The following ELOVL4 variants were observed in gnomAD, a reference collection of about 807,000 sequenced individuals.
The protein encoded by ELOVL4 is ELOVL fatty acid elongase 4, also known as very long chain fatty acid elongase 4.
In ELOVL4, 18 loss-of-function variants were observed where a neutral mutation model predicts 42.1. That is an observed-to-expected ratio of 0.43 (90% CI 0.30 to 0.63). ELOVL4 has a LOEUF of 0.63. ELOVL4 is among the 30% of genes least tolerant of loss of function. ELOVL4 has a pLI of 0.15. For synonymous variants in ELOVL4, 117 were observed against 127.0 expected (o/e 0.92, Z 0.53); for missense variants, 299 against 376.2 (o/e 0.79, Z 1.70).
chr6:79,924,694 G>C (rs1208961577), intron 3 of ELOVL4, among the ~76,000 whole-genome samples: 2 of 151,998 alleles, frequency 1.3e-5, no homozygotes, highest in Non-Finnish European at 2.9e-5. Context: ...AAATATCTAG[G>C]CATGGTGGGG....
intron 1 of ELOVL4, among the ~76,000 whole-genome samples, chr6:79,941,888 AAAT>A (rs1774652448): frequency 3.9e-5 from 6 of 152,230 alleles, no homozygotes; most frequent in Admixed American, 3.3e-4. Flanking sequence ...GTGAAGTGGT[AAAT>A]AATAACGAAA....
In ELOVL4 at chr6:79,926,253, G is replaced by T. The variant is rs753592451; in HGVS notation, c.229C>A (p.Leu77Ile). 6.2e-7 allele frequency: 1 copy of T among 1,613,888 alleles called. No homozygotes were observed. Among genetic ancestry groups the T allele is most frequent in the Admixed American group, 1.7e-5 (1 of 60,008 alleles). ...MKDREPFQMR[L>I]VLIIYNFGMV... is the part of the protein sequence containing the mutation. ...CCAAAATTATAGATAATGAGCACTA[G>T]ACGCATCTGAAAAGGTTCTCGGTCC... Residue 77 changes from leucine to isoleucine, a missense_variant, in exon 2 of 6, where the codon CTA becomes ATA. Physicochemically the swap from Leu to Ile is conservative, Grantham distance 5. Transcript: ENST00000369816.
At position 79,947,118 on chromosome 6, in the gene ELOVL4, G is replaced by A. The variant is rs912433280; in HGVS notation, c.100+62C>T. 3 of 1,378,506 alleles carry A rather than the reference G, an allele frequency of 2.2e-6. No individual in the cohort carries two copies. The South Asian group carries it at 3.6e-5, about 17-fold the overall frequency. 85.4% of individuals were successfully genotyped at this position (1,378,506 alleles called of 1,614,324 possible). The stretch of plus-strand genomic sequence containing the variant: ...GTGGGGCCGGGCCCGGGAGCTGCGA[G>A]ACCAGGGGCCGGTGACCCCCCGCGG... On this transcript the variant is annotated intron_variant, in intron 1 of 5. Coordinates refer to ENST00000369816, the MANE Select transcript of ELOVL4 (RefSeq NM_022726.4).
rs1774389666 is a variant in ELOVL4, at chr6:79,928,729, T to G, written c.101-2348A>C. 7.0e-5 allele frequency among the ~76,000 whole-genome samples: 9 copies of G among 127,764 alleles called. No individual in the cohort carries two copies. In the South Asian group the frequency reaches 2.0e-3, roughly 28 times the overall value. The allele number at this position is 127,764 out of a possible 152,430, so 83.8% of individuals were successfully genotyped here. On this transcript the variant is annotated intron_variant, in intron 1 of 5. Transcript: ENST00000369816. Reference sequence around the variant, plus strand: ...CCAGTAAGTAGACTGGTGACTGGGTTTTTTTTTTTTTTTTTTTTTTTTTTT... The same window carrying G: ...CCAGTAAGTAGACTGGTGACTGGGTGTTTTTTTTTTTTTTTTTTTTTTTTT...
chr6:79,933,458 T>C lies in ELOVL4; in HGVS notation c.101-7077A>G, dbSNP rs1323135957. Among the ~76,000 whole-genome samples, 6 of 152,208 alleles carry C rather than the reference T, an allele frequency of 3.9e-5. No homozygotes were observed. The South Asian group carries it at 1.0e-3, about 26-fold the overall frequency. ...GTTGCTCAGGCTGGCCCTGAACCCCTGAGCTCAAGCAACCCACCTACCTCA... is the reference window on the plus strand; with the variant it reads ...GTTGCTCAGGCTGGCCCTGAACCCCCGAGCTCAAGCAACCCACCTACCTCA... On this transcript the variant is annotated intron_variant, in intron 1 of 5. Coordinates refer to ENST00000369816, the MANE Select transcript of ELOVL4 (RefSeq NM_022726.4).
chr6:79,933,043 T>G lies in ELOVL4; in HGVS notation c.101-6662A>C, dbSNP rs112569019. ...CTGAATACCCTGAGAGAACTGAATG[T>G]ATAAGCAGCCCAGAAGCAAGAAATA... On this transcript the variant is annotated intron_variant, in intron 1 of 5. Coordinates refer to ENST00000369816, the MANE Select transcript of ELOVL4 (RefSeq NM_022726.4). Among the ~76,000 whole-genome samples the G allele has an allele frequency of 5.9e-5, 9 of 152,188 alleles. 1 individual carries two copies. The highest frequency in any genetic ancestry group is 2.1e-4 in the South Asian group (1 of 4,824).
chr6:79,926,833 G>A (rs368629937), intron 1 of ELOVL4, among the ~76,000 whole-genome samples: 2 of 152,300 alleles, frequency 1.3e-5, no homozygotes, highest in East Asian at 1.9e-4. Flanking sequence ...GGAGAGGTAC[G>A]TACGGGGCGA....
chr6:79,921,297 T>C (rs1225207676), intron 4 of ELOVL4, among the ~76,000 whole-genome samples: 1 of 151,048 alleles, frequency 6.6e-6, no homozygotes, highest in Non-Finnish European at 1.5e-5. Flanking sequence ...CTGTCTCTAC[T>C]AAAAATACAA....
At chr6:79,918,273 T>C (rs1375968392) in intron 5 of ELOVL4, among the ~76,000 whole-genome samples, 1 of 152,244 alleles carries the variant, frequency 6.6e-6, no homozygotes, top group Non-Finnish European at 1.5e-5. Context: ...ACTTGTGGTT[T>C]CACAATGGTT....
At chr6:79,931,837 ATTTCTAACCAGTG>A (rs1157730051) in intron 1 of ELOVL4, among the ~76,000 whole-genome samples, 13 of 152,216 alleles carry the variant, frequency 8.5e-5, no homozygotes, top group African/African-American at 3.1e-4. Flanking sequence ...AATTCAGGAA[ATTTCTAACCAGTG>A]GGTCTTTCCC....
At chr6:79,923,449 G>C (rs962133611) in intron 3 of ELOVL4, among the ~76,000 whole-genome samples, 69 of 152,180 alleles carry the variant, frequency 4.5e-4, no homozygotes, top group African/African-American at 1.7e-3. Context: ...CCCCACCCAA[G>C]GGTTTTTCTA....
chr6:79,931,266 C>A (rs752618637), intron 1 of ELOVL4, among the ~76,000 whole-genome samples: 3 of 151,970 alleles, frequency 2.0e-5, no homozygotes, highest in Non-Finnish European at 2.9e-5. Context: ...CCATTTTAAG[C>A]CTTTCACGTT....
chr6:79,937,509 G>C (rs900428735), intron 1 of ELOVL4, among the ~76,000 whole-genome samples: 1 of 152,126 alleles, frequency 6.6e-6, no homozygotes, highest in African/African-American at 2.4e-5. Flanking sequence ...TTCAGGGAAA[G>C]TCAGTTTACT....
chr6:79,926,012 C>G (rs1165317650), intron 2 of ELOVL4, among the ~76,000 whole-genome samples, 182 bp downstream of exon 2: 1 of 152,140 alleles, frequency 6.6e-6, no homozygotes, highest in Non-Finnish European at 1.5e-5. Flanking sequence ...CCACTTTAAA[C>G]AACTTTCCTA....
intron 5 of ELOVL4, among the ~76,000 whole-genome samples, chr6:79,918,532 C>T (rs1046007037): frequency 3.3e-5 from 5 of 152,204 alleles, no homozygotes; most frequent in African/African-American, 7.2e-5. Context: ...ATGAATCCTT[C>T]GCACCCAGCA....
chr6:79,939,833 T>TAA (rs1774616849), intron 1 of ELOVL4, among the ~76,000 whole-genome samples: 1 of 152,158 alleles, frequency 6.6e-6, no homozygotes, highest in South Asian at 2.1e-4. Flanking sequence ...AGGGTCCATA[T>TAA]AAGTGGAACC....
intron 4 of ELOVL4, among the ~76,000 whole-genome samples, chr6:79,920,135 A>C (rs1774227850): frequency 6.6e-6 from 1 of 152,186 alleles, no homozygotes; most frequent in Admixed American, 6.5e-5. Context: ...AGATTTACTA[A>C]TTTTCTTTTA....
rs774604918 is a variant in ELOVL4 at position 79,925,008 on chromosome 6, C to T, written c.313G>A (p.Gly105Arg). 2.1e-5 allele frequency: 33 copies of T among 1,606,208 alleles called. No individual in the cohort carries two copies. In the African/African-American group the frequency reaches 2.9e-4, roughly 14 times the overall value. The change falls in exon 3 of 6, where the codon GGA becomes AGA. Residue 105 changes from glycine to arginine, a missense_variant. Transcript: ENST00000369816. ...ACACTCTGGCAAATATAGCTATATC[C>T]CGCATTATATGATCCCATGAATAAC... ...RELFMGSYNA[G>R]YSYICQSVDY...
chr6:79,925,450 C>G (rs1355105879), intron 2 of ELOVL4, among the ~76,000 whole-genome samples: 1 of 152,138 alleles, frequency 6.6e-6, no homozygotes, highest in African/African-American at 2.4e-5. Context: ...GCTAAGTTTT[C>G]AAGTAAAGAA....
Sources: allele counts gnomAD v4.1 joint callset (sites outside exome capture counted in the v4.1 genomes callset), GRCh38; gene constraint gnomAD v4.1.1; transcripts MANE v1.5; gene names NCBI Gene and HGNC (gene_info 2026-07-23, HGNC 2026-07-21).